PIAS2: variants seen among roughly 807,000 people sequenced by gnomAD.
The protein encoded by PIAS2 is protein inhibitor of activated STAT 2.
A neutral mutation model predicts 69.7 loss-of-function variants in PIAS2; 19 were observed. That is an observed-to-expected ratio of 0.27 (90% CI 0.19 to 0.40). The LOEUF (loss-of-function observed/expected upper bound fraction) is 0.40, where lower values mean the gene tolerates loss of function less well. Among genes scored for constraint, PIAS2 ranks in the 10% least tolerant of loss-of-function variants. The probability of loss-of-function intolerance (pLI) is 1.00; values close to 1 mark genes in which losing one functional copy is unlikely to be tolerated. For missense variants in PIAS2, 624 were observed against 757.0 expected, an observed-to-expected ratio of 0.82 and a Z score of 2.06; for synonymous variants, 261 against 263.2, an observed-to-expected ratio of 0.99 and a Z score of 0.08.
At chr18:46,905,469 A>C (rs2056473269) in intron 1 of PIAS2, among the ~76,000 whole-genome samples, 1 of 152,146 alleles carries the variant, frequency 6.6e-6, no homozygotes, top group South Asian at 2.1e-4. Context: ...AGGAAATGTA[A>C]GAAAAGAAAA....
Position 46,836,375 on chromosome 18 carries a change from T to C in PIAS2, c.1184A>G (p.Glu395Gly). The change falls in exon 9 of 14, where the codon GAA becomes GGA. Residue 395 changes from glutamate (E) to glycine (G), a missense_variant. Physicochemically the swap from Glu to Gly is moderately conservative, Grantham distance 98. Transcript: ENST00000585916. ...CPVCDKKAAYESLILDGLFME... is the reference protein window; with the variant it reads ...CPVCDKKAAYGSLILDGLFME... The stretch of plus-strand genomic sequence containing the variant: ...TACTTACCCATCTAATATTAGACTT[T>C]CATAGGCAGCTTTTTTGTCACACAC... The C allele has an allele frequency of 6.2e-7, 1 of 1,613,964 alleles. No individual in the cohort carries two copies. Among genetic ancestry groups the C allele is most frequent in the Non-Finnish European group, 8.5e-7 (1 of 1,179,850 alleles).
intron 2 of PIAS2, among the ~76,000 whole-genome samples, chr18:46,881,240 T>C (rs1373603967): frequency 5.3e-5 from 8 of 152,172 alleles, no homozygotes; most frequent in Non-Finnish European, 1.2e-4. Flanking sequence ...GGCTCTTTCC[T>C]AGCAAACCTA....
intron 1 of PIAS2, among the ~76,000 whole-genome samples, chr18:46,893,812 TAACA>T (rs2054429227): frequency 6.6e-6 from 1 of 152,002 alleles, no homozygotes; most frequent in Non-Finnish European, 1.5e-5. Flanking sequence ...TATTTTAAAA[TAACA>T]AACACCCCCC....
upstream of PIAS2, among the ~76,000 whole-genome samples, chr18:46,918,385 T>A (rs1158934507): frequency 3.3e-5 from 5 of 152,132 alleles, no homozygotes; most frequent in Non-Finnish European, 7.4e-5. Context: ...TACCGCCTCT[T>A]CCCACTACCC....
chr18:46,851,831 A>G (rs183927105), intron 5 of PIAS2, among the ~76,000 whole-genome samples: 47 of 152,318 alleles, frequency 3.1e-4, no homozygotes, highest in East Asian at 1.9e-4. Flanking sequence ...GTCCATAAAG[A>G]CTGGGTATTA....
In PIAS2 at chr18:46,887,393, A is replaced by C. The variant is rs1025223928; in HGVS notation, c.499+3187T>G. Among the ~76,000 whole-genome samples, 43 of 152,320 alleles carry C rather than the reference A, an allele frequency of 2.8e-4. No homozygotes were observed. In the South Asian group the frequency reaches 2.9e-3, roughly 10 times the overall value. ...TACAATCCTGTAAGACAGGTAAAAA[A>C]GCACACTGATATGTTTAAGTGTTTT... On this transcript the variant is annotated intron_variant, in intron 2 of 13. Transcript: ENST00000585916.
chr18:46,852,023 T>C (rs1391696553), intron 5 of PIAS2, among the ~76,000 whole-genome samples: 1 of 152,176 alleles, frequency 6.6e-6, no homozygotes, highest in African/African-American at 2.4e-5. Context: ...TGATGCTTCT[T>C]AAAACTGGAA....
In PIAS2 at chr18:46,856,817, C is replaced by A. The variant is rs118185482; in HGVS notation, c.585-1202G>T. Among the ~76,000 whole-genome samples, 1,216 of 152,280 alleles carry A rather than the reference C, an allele frequency of 8.0e-3. 38 individuals are homozygous for A. In the East Asian group the frequency reaches 0.089, roughly 11 times the overall value. On this transcript the variant is annotated intron_variant, in intron 3 of 13. Transcript: ENST00000585916. ...TTGAGAAGACTGGAGTACACTGAGC[C>A]CCCATGGTGCTCTAACTGGGCCAGT...
chr18:46,887,123 C>A (rs2053335272), intron 2 of PIAS2, among the ~76,000 whole-genome samples: 1 of 152,010 alleles, frequency 6.6e-6, no homozygotes, highest in African/African-American at 2.4e-5. Context: ...GGACTTTGTA[C>A]AAACAAATAA....
rs1166398131 is a variant in PIAS2, at chr18:46,817,896, T to TA, written c.1649-2548dup. 6 of 978,356 alleles carry TA rather than the reference T, an allele frequency of 6.1e-6. No homozygotes were observed. The African/African-American group carries it at 1.1e-4, about 17-fold the overall frequency. The allele number at this position is 978,356 out of a possible 1,614,324, so 60.6% of individuals were successfully genotyped here. On this transcript the variant is annotated intron_variant, in intron 12 of 13. Transcript: ENST00000585916. Reference sequence around the variant, plus strand: ...CTTATATAAAATCAAGTTTCATCAGTAGTGATTAAAATTTTACTGCCTTGT... The same window carrying TA: ...CTTATATAAAATCAAGTTTCATCAGTAAGTGATTAAAATTTTACTGCCTTGT...
chr18:46,904,645 G>A (rs1243287716), intron 1 of PIAS2, among the ~76,000 whole-genome samples: 2 of 152,010 alleles, frequency 1.3e-5, no homozygotes, highest in Non-Finnish European at 2.9e-5. Flanking sequence ...CAGCTACTCA[G>A]GAGGCTGAAA....
intron 2 of PIAS2, 130 bp downstream of exon 2, chr18:46,890,450 C>A: frequency 4.9e-6 from 3 of 609,642 alleles, no homozygotes; most frequent in Non-Finnish European, 8.5e-6. Context: ...AATTTTTATC[C>A]GTATATTCAA....
At chr18:46,818,351 T>C (rs1182901733) in intron 12 of PIAS2, 36 of 1,518,734 alleles carry the variant, frequency 2.4e-5, no homozygotes, top group Non-Finnish European at 3.0e-5. Context: ...ACTCCATAAA[T>C]ACAAATTATT....
chr18:46,807,368 TATATATATATATA>T lies in PIAS2; in HGVS notation c.*5052_*5064del, dbSNP rs1306860506. ...ACATGTCAGATTTTATATATATATA[TATATATATATATA>T]TATTTTTTTTTTTTTTTTTTTTTTT... On this transcript the variant is annotated 3_prime_UTR_variant, in exon 14 of 14. Transcript: ENST00000585916. The T allele has an allele frequency of 9.1e-4, 25 of 27,614 alleles. No individual in the cohort carries two copies. Among genetic ancestry groups the T allele is most frequent in the African/African-American group, 5.3e-3 (21 of 3,962 alleles). The allele number at this position is 27,614 out of a possible 1,614,324, so 1.7% of individuals were successfully genotyped here. A position where few individuals can be genotyped will look rare whatever the true frequency, so the allele number is the denominator to read the frequency against.
intron 1 of PIAS2, among the ~76,000 whole-genome samples, chr18:46,912,316 G>A (rs757923477): frequency 6.6e-5 from 10 of 152,122 alleles, no homozygotes; most frequent in East Asian, 1.9e-4. Context: ...ATCCTCCTAC[G>A]TACTTTACAT....
intron 2 of PIAS2, among the ~76,000 whole-genome samples, chr18:46,886,537 T>C (rs2145927957): frequency 6.6e-6 from 1 of 152,278 alleles, no homozygotes; most frequent in East Asian, 1.9e-4. Context: ...AATAAGCATT[T>C]AAAATACTTG....
At chr18:46,816,043 T>G (rs2041490763) in intron 12 of PIAS2, 1 of 983,930 alleles carries the variant, frequency 1.0e-6, no homozygotes, top group Non-Finnish European at 1.2e-6. Flanking sequence ...AATAAAATTT[T>G]TAGGTCTGAA....
At chr18:46,854,906 C>T (rs773317410) in intron 5 of PIAS2, among the ~76,000 whole-genome samples, 2 of 152,094 alleles carry the variant, frequency 1.3e-5, no homozygotes, top group Non-Finnish European at 2.9e-5. Flanking sequence ...AAGTCCTCCC[C>T]TTCAACTATG....
At position 46,812,602 on chromosome 18, in the gene PIAS2, G is replaced by C. The variant is rs1157229811; in HGVS notation, c.1697C>G (p.Pro566Arg). The change falls in exon 14 of 14, where the codon CCT (proline) becomes CGT (arginine). Residue 566 changes from proline (P) to arginine (R), a missense_variant. By Grantham distance (103) the Pro-to-Arg change is moderately radical (BLOSUM62 -2). This residue lies in a region of PIAS2 where 241 missense variants were observed against 257.3 expected (regional missense o/e 0.94). Transcript: ENST00000585916. ...TGAGGTGAGACTATCCAAAAACATA[G>C]GAGGACAGTACTGCTTGAAACAAAC... ...LIPVDPQYCP[P>R]MFLDSLTSPL... is the part of the protein sequence containing the mutation. 2 of 1,610,440 alleles carry C rather than the reference G, an allele frequency of 1.2e-6. No homozygotes were observed. The highest frequency in any genetic ancestry group is 1.7e-6 in the Non-Finnish European group (2 of 1,176,928).
Sources: allele counts gnomAD v4.1 joint callset (sites outside exome capture counted in the v4.1 genomes callset), GRCh38; gene constraint gnomAD v4.1.1; regional missense constraint gnomAD v4.1.1; transcripts MANE v1.5; gene names NCBI Gene and HGNC (gene_info 2026-07-23, HGNC 2026-07-21).